CARM1: variants seen among roughly 807,000 people sequenced by gnomAD.
The protein encoded by CARM1 is histone-arginine methyltransferase CARM1.
CARM1 carries 14 observed loss-of-function variants against 72.7 expected under a neutral mutation model. The ratio of observed to expected loss-of-function variants is 0.19; its 90% CI spans 0.13 to 0.30. The LOEUF (loss-of-function observed/expected upper bound fraction) is 0.30, where lower values mean the gene tolerates loss of function less well. Among genes scored for constraint, CARM1 ranks in the 10% least tolerant of loss-of-function variants. CARM1 has a pLI of 1.00. For missense variants in CARM1, 432 were observed against 833.7 expected, an observed-to-expected ratio of 0.52 and a Z score of 5.93; for synonymous variants, 333 against 345.5, an observed-to-expected ratio of 0.96 and a Z score of 0.40.
intron 1 of CARM1, among the ~76,000 whole-genome samples, chr19:10,873,842 T>C (rs2073841576): frequency 1.3e-5 from 2 of 151,752 alleles, no homozygotes; most frequent in Admixed American, 6.6e-5. Context: ...GGTTTCACCA[T>C]GTTAGCCAGG....
At chr19:10,883,603 C>T (rs972664556) in intron 1 of CARM1, among the ~76,000 whole-genome samples, 4 of 152,326 alleles carry the variant, frequency 2.6e-5, no homozygotes, top group South Asian at 4.1e-4. Context: ...CTCAGGCCGG[C>T]GTGCAGTGGT....
intron 1 of CARM1, among the ~76,000 whole-genome samples, chr19:10,904,020 T>A (rs896592952): frequency 6.6e-6 from 1 of 152,198 alleles, no homozygotes; most frequent in African/African-American, 2.4e-5. Flanking sequence ...GTATAACTTT[T>A]AAAAACATTT....
At chr19:10,886,383 C>T (rs1030253047) in intron 1 of CARM1, among the ~76,000 whole-genome samples, 14 of 152,014 alleles carry the variant, frequency 9.2e-5, no homozygotes, top group African/African-American at 1.2e-4. Flanking sequence ...CTTGTAGAGA[C>T]GGGGTCTCAA....
chr19:10,897,625 C>A (rs1413341729), intron 1 of CARM1, among the ~76,000 whole-genome samples: 1 of 152,212 alleles, frequency 6.6e-6, no homozygotes, highest in Non-Finnish European at 1.5e-5. Flanking sequence ...GGTTTGTGTT[C>A]TTTACGTTCC....
At position 10,920,876 on chromosome 19, in the gene CARM1, C is replaced by T. The variant is rs776197512; in HGVS notation, c.1467C>T (p.Tyr489=). ...TTPSPPPGSH[Y]TSPSENMWNT... ...CCTCACCCCCACCCGGCTCCCACTACACATCTCCCTCGGAAAACATGTGGA... is the reference window on the plus strand; with the variant it reads ...CCTCACCCCCACCCGGCTCCCACTATACATCTCCCTCGGAAAACATGTGGA... Residue 489 remains tyrosine, a synonymous_variant, in exon 13 of 16, where the codon TAC becomes TAT. Transcript: ENST00000327064. The surrounding 1 kb of genome is among the most constrained non-coding windows in gnomAD (Gnocchi z 5.3). 6.2e-7 allele frequency: 1 copy of T among 1,614,256 alleles called. No individual in the cohort carries two copies.
intron 1 of CARM1, among the ~76,000 whole-genome samples, chr19:10,889,608 C>A (rs891394732): frequency 6.6e-6 from 1 of 151,586 alleles, no homozygotes; most frequent in Non-Finnish European, 1.5e-5. Context: ...GGATTACAGG[C>A]GTGAGCTACC....
chr19:10,884,597 A>G (rs542020587), intron 1 of CARM1, among the ~76,000 whole-genome samples: 4 of 152,096 alleles, frequency 2.6e-5, no homozygotes, highest in African/African-American at 9.6e-5. Context: ...AAGCAGTTAC[A>G]TGAAGGAAAT....
intron 1 of CARM1, among the ~76,000 whole-genome samples, chr19:10,887,654 GCTGGT>G (rs2073951448): frequency 1.3e-5 from 2 of 152,090 alleles, no homozygotes; most frequent in Non-Finnish European, 2.9e-5. Flanking sequence ...TGTCACCCAG[GCTGGT>G]CTCAAACTCG....
rs2074258229 is a variant in CARM1 at position 10,921,876 on chromosome 19, T to C, written c.*119T>C. ...CTCGAACACCCGGTCACAGCTCTCT[T>C]TGCTATGGGAACTGGGACACTTTTT... On this transcript the variant is annotated 3_prime_UTR_variant, in exon 16 of 16. Transcript: ENST00000327064. 9.8e-7 allele frequency: 1 copy of C among 1,018,058 alleles called. No individual in the cohort carries two copies. Among genetic ancestry groups the C allele is most frequent in the Non-Finnish European group, 1.4e-6 (1 of 699,538 alleles). 63.1% of individuals were successfully genotyped at this position (1,018,058 alleles called of 1,614,324 possible). A position where few individuals can be genotyped will look rare whatever the true frequency, so the allele number is the denominator to read the frequency against.
chr19:10,890,288 A>C (rs2073973384), intron 1 of CARM1, among the ~76,000 whole-genome samples: 1 of 142,850 alleles, frequency 7.0e-6, no homozygotes, highest in Non-Finnish European at 1.5e-5. Flanking sequence ...TTTTTTTGAG[A>C]CAGAGTTTCG....
At chr19:10,876,545 C>G (rs2073866241) in intron 1 of CARM1, among the ~76,000 whole-genome samples, 1 of 152,248 alleles carries the variant, frequency 6.6e-6, no homozygotes. Context: ...GACGTCTGCA[C>G]CCTCCAGGGG....
At chr19:10,899,831 C>T (rs2074051381) in intron 1 of CARM1, among the ~76,000 whole-genome samples, 1 of 151,956 alleles carries the variant, frequency 6.6e-6, no homozygotes, top group African/African-American at 2.4e-5. Flanking sequence ...AGCGATTCTC[C>T]TGCCTCAGCC....
chr19:10,880,513 ATTTTTTT>A (rs34015668), intron 1 of CARM1, among the ~76,000 whole-genome samples: 39 of 136,262 alleles, frequency 2.9e-4, no homozygotes, highest in African/African-American at 7.8e-4. Flanking sequence ...TGCCTGGCTA[ATTTTTTT>A]TTTTTTTTTT....
At position 10,912,238 on chromosome 19, in the gene CARM1, G is replaced by T. The variant is rs954995837; in HGVS notation, c.613G>T (p.Ala205Ser). 4 of 1,608,346 alleles carry T rather than the reference G, an allele frequency of 2.5e-6. No individual in the cohort carries two copies. The highest frequency in any genetic ancestry group is 2.5e-6 in the Non-Finnish European group (3 of 1,176,910). Residue 205 changes from alanine to serine, a missense_variant, in exon 5 of 16, where the codon GCT (alanine) becomes TCT (serine). Coordinates refer to ENST00000327064, the MANE Select transcript of CARM1 (RefSeq NM_199141.2). The surrounding 1 kb of genome is among the most constrained non-coding windows in gnomAD (Gnocchi z 4.5). ...GATCCTGTCGTTTTTTGCCGCCCAA[G>T]CTGGAGCACGGAAAATCTACGCGGT... ...SGILSFFAAQ[A>S]GARKIYAVEA... is the part of the protein sequence containing the mutation.
chr19:10,872,507 C>A (rs1481449121), intron 1 of CARM1, among the ~76,000 whole-genome samples: 2 of 152,064 alleles, frequency 1.3e-5, no homozygotes, highest in South Asian at 4.1e-4. Context: ...GGGGAGAGGG[C>A]CCATGCGGGG....
At chr19:10,894,510 C>T (rs1251942298) in intron 1 of CARM1, among the ~76,000 whole-genome samples, 1 of 152,050 alleles carries the variant, frequency 6.6e-6, no homozygotes, top group East Asian at 1.9e-4. Context: ...CAGCAGGAGG[C>T]GATTTAATAC....
At position 10,908,060 on chromosome 19, in the gene CARM1, T is replaced by A; in HGVS notation, c.368T>A (p.Ile123Asn). 1 of 1,613,936 alleles carries A rather than the reference T, an allele frequency of 6.2e-7. No individual in the cohort carries two copies. Among genetic ancestry groups the A allele is most frequent in the Non-Finnish European group, 8.5e-7 (1 of 1,179,874 alleles). The change falls in exon 3 of 16, where the codon ATC (isoleucine) becomes AAC (asparagine). Residue 123 changes from isoleucine to asparagine, a missense_variant. This residue lies in a region of CARM1 where 138 missense variants were observed against 192.3 expected (regional missense o/e 0.72). Coordinates refer to ENST00000327064, the MANE Select transcript of CARM1 (RefSeq NM_199141.2). ...TPNDFCSFYN[I>N]LKTCRGHTLE... ...CCAGATTTCTGTTCCTTCTACAACA[T>A]CCTGAAAACCTGCCGGGGCCACACC...
At chr19:10,898,994 G>A (rs918677444) in intron 1 of CARM1, among the ~76,000 whole-genome samples, 3 of 152,064 alleles carry the variant, frequency 2.0e-5, no homozygotes, top group Non-Finnish European at 2.9e-5. Context: ...TCAGAGGCTC[G>A]GGAGTCTCCT....
chr19:10,907,342 A>G (rs925744690), intron 2 of CARM1, among the ~76,000 whole-genome samples: 1 of 151,978 alleles, frequency 6.6e-6, no homozygotes, highest in African/African-American at 2.4e-5. Flanking sequence ...AGCCAAATAG[A>G]TAGAGCCTGC....
Sources: allele counts gnomAD v4.1 joint callset (sites outside exome capture counted in the v4.1 genomes callset), GRCh38; gene constraint gnomAD v4.1.1; regional missense constraint gnomAD v4.1.1; non-coding constraint Gnocchi (gnomAD v3.1); transcripts MANE v1.5; gene names NCBI Gene and HGNC (gene_info 2026-07-23, HGNC 2026-07-21).